HMGCLL1: variants seen among roughly 807,000 people sequenced by gnomAD.
HMGCLL1 encodes the protein 3-hydroxymethyl-3-methylglutaryl-CoA lyase, cytoplasmic.
In HMGCLL1, 36 loss-of-function variants were observed where a neutral mutation model predicts 39.1. The ratio of observed to expected loss-of-function variants is 0.92; its 90% confidence interval spans 0.71 to 1.22. The LOEUF (loss-of-function observed/expected upper bound fraction) is 1.22, where lower values mean the gene tolerates loss of function less well. HMGCLL1 is among the 50% of genes most tolerant of loss of function. The pLI, the probability that HMGCLL1 is intolerant of heterozygous loss-of-function variation, is 0.00. For synonymous variants in HMGCLL1, 149 were observed against 144.0 expected, an observed-to-expected ratio of 1.03 and a Z score of -0.25; for missense variants, 451 against 416.5, an observed-to-expected ratio of 1.08 and a Z score of -0.72.
At chr6:55,627,718 C>A in the HMGCLL1 span, among the ~76,000 whole-genome samples, 1 of 147,438 alleles carries the variant, frequency 6.8e-6, no homozygotes, top group Non-Finnish European at 1.5e-5. Context: ...GGTCTAGCCT[C>A]CCAGCCTACA....
At chr6:55,474,704 G>A (rs1023782071) in intron 7 of HMGCLL1, among the ~76,000 whole-genome samples, 4 of 151,342 alleles carry the variant, frequency 2.6e-5, no homozygotes, top group East Asian at 1.9e-4. Flanking sequence ...TGTTGTTGTC[G>A]TTGAAAGCCT....
chr6:55,627,544 T>G, the HMGCLL1 span, among the ~76,000 whole-genome samples: 1 of 151,950 alleles, frequency 6.6e-6, no homozygotes, highest in Non-Finnish European at 1.5e-5. Context: ...GATTGAAGGA[T>G]ACAAAGTATT....
At chr6:55,493,140 T>A (rs887896693) in intron 7 of HMGCLL1, among the ~76,000 whole-genome samples, 4 of 152,078 alleles carry the variant, frequency 2.6e-5, no homozygotes, top group African/African-American at 7.2e-5. Flanking sequence ...CCTGCAGTGC[T>A]ACTAACCCAT....
At chr6:55,592,623 C>G in the HMGCLL1 span, among the ~76,000 whole-genome samples, 1 of 151,944 alleles carries the variant, frequency 6.6e-6, no homozygotes, top group Admixed American at 6.6e-5. Context: ...ATGTAACAAG[C>G]AAAAATATAT....
chr6:55,668,506 A>G, the HMGCLL1 span, among the ~76,000 whole-genome samples: 3 of 151,890 alleles, frequency 2.0e-5, no homozygotes, highest in Admixed American at 2.0e-4. Context: ...ACTTTACGTA[A>G]CTATAAAACC....
rs994907990 is a variant in HMGCLL1 at position 55,560,991 on chromosome 6, A to G, written c.108+17957T>C. On this transcript the variant is annotated intron_variant, in intron 1 of 8. Transcript: ENST00000274901. ...ATTTCCCCTCAAAGGAATAGTTAACAAACAGGTTATAAGTGAACTAAGCCT... is the reference window on the plus strand; with the variant it reads ...ATTTCCCCTCAAAGGAATAGTTAACGAACAGGTTATAAGTGAACTAAGCCT... Among the ~76,000 whole-genome samples, 4 of 152,176 alleles carry G rather than the reference A, an allele frequency of 2.6e-5. No individual in the cohort carries two copies. The East Asian group carries it at 5.8e-4, about 22-fold the overall frequency.
the HMGCLL1 span, among the ~76,000 whole-genome samples, chr6:55,586,370 C>T: frequency 0.027 from 4,089 of 148,882 alleles, 95 homozygotes; most frequent in South Asian, 0.11. Context: ...CTCATTATTA[C>T]CAAAAACTAA....
At chr6:55,499,803 A>AT (rs1277092767) in intron 5 of HMGCLL1, among the ~76,000 whole-genome samples, 7 of 151,926 alleles carry the variant, frequency 4.6e-5, no homozygotes, top group Non-Finnish European at 1.0e-4. Context: ...CTCAGAGTTC[A>AT]TTTTTTCTCT....
At chr6:55,598,732 A>G in the HMGCLL1 span, among the ~76,000 whole-genome samples, 125 of 152,316 alleles carry the variant, frequency 8.2e-4, no homozygotes, top group Non-Finnish European at 5.6e-4. Context: ...TAATGGTTCA[A>G]TCGCTGATTA....
chr6:55,521,894 T>C (rs1441005493), intron 3 of HMGCLL1, among the ~76,000 whole-genome samples: 6 of 152,078 alleles, frequency 3.9e-5, no homozygotes, highest in Non-Finnish European at 8.8e-5. Context: ...CGATAGGTGA[T>C]AAACCAGGCC....
chr6:55,666,456 C>A, the HMGCLL1 span, among the ~76,000 whole-genome samples: 1 of 151,594 alleles, frequency 6.6e-6, no homozygotes, highest in African/African-American at 2.4e-5. Context: ...GTTATATTTT[C>A]TTTCCCACCC....
chr6:55,463,816 G>T (rs1764686786), intron 7 of HMGCLL1, among the ~76,000 whole-genome samples: 1 of 151,994 alleles, frequency 6.6e-6, no homozygotes, highest in South Asian at 2.1e-4. Flanking sequence ...GAATAGTTGG[G>T]ATATACTTTC....
chr6:55,523,759 C>A (rs1461890617), intron 3 of HMGCLL1, among the ~76,000 whole-genome samples: 2 of 151,862 alleles, frequency 1.3e-5, no homozygotes, highest in South Asian at 2.1e-4. Context: ...TAACTGGCAC[C>A]AGAAGTATGT....
chr6:55,611,957 C>T, the HMGCLL1 span, among the ~76,000 whole-genome samples: 1 of 152,030 alleles, frequency 6.6e-6, no homozygotes, highest in Non-Finnish European at 1.5e-5. Flanking sequence ...CTGGCCAGGG[C>T]AATCAGGCCA....
intron 1 of HMGCLL1, among the ~76,000 whole-genome samples, chr6:55,574,716 G>A (rs1771680462): frequency 6.6e-6 from 1 of 151,888 alleles, no homozygotes; most frequent in African/African-American, 2.4e-5. Context: ...AAAATATTTA[G>A]TAAATGTACT....
At chr6:55,551,053 A>T (rs1770301896) in intron 1 of HMGCLL1, among the ~76,000 whole-genome samples, 1 of 151,670 alleles carries the variant, frequency 6.6e-6, no homozygotes, top group African/African-American at 2.4e-5. Flanking sequence ...CCAAAAAAAA[A>T]AAAATAAACC....
At chr6:55,576,297 A>T (rs143036480) in intron 1 of HMGCLL1, among the ~76,000 whole-genome samples, 1 of 152,284 alleles carries the variant, frequency 6.6e-6, no homozygotes, top group East Asian at 1.9e-4. Flanking sequence ...GCAGAGAGGA[A>T]GGTAAGCAAA....
the HMGCLL1 span, among the ~76,000 whole-genome samples, chr6:55,613,249 A>G: frequency 1.3e-4 from 20 of 152,370 alleles, no homozygotes; most frequent in South Asian, 3.5e-3. Flanking sequence ...ATGAGATACC[A>G]TCTCACACCA....
At chr6:55,667,314 A>G in the HMGCLL1 span, among the ~76,000 whole-genome samples, 1 of 151,922 alleles carries the variant, frequency 6.6e-6, no homozygotes, top group African/African-American at 2.4e-5. Flanking sequence ...TTATTGACAT[A>G]TTAAAAATTA....
Sources: allele counts gnomAD v4.1 joint callset (sites outside exome capture counted in the v4.1 genomes callset), GRCh38; gene constraint gnomAD v4.1.1; transcripts MANE v1.5; gene names NCBI Gene and HGNC (gene_info 2026-07-23, HGNC 2026-07-21).